Variants in NOL4L observed in about 807,000 individuals in gnomAD.
NOL4L encodes the protein nucleolar protein 4-like.
Under a neutral mutation model 64.5 loss-of-function variants are expected in NOL4L, and 7 were observed. That is an observed-to-expected ratio of 0.11 (90% CI 0.06 to 0.20). The LOEUF is 0.20. Among genes scored for constraint, NOL4L ranks in the 10% least tolerant of loss-of-function variants. The pLI, the probability that NOL4L is intolerant of heterozygous loss-of-function variation, is 1.00. For missense variants in NOL4L, 680 were observed against 967.1 expected (o/e 0.70, Z 3.94); for synonymous variants, 413 against 401.0 (o/e 1.03, Z -0.36).
chr20:32,526,399 G>A (rs1467469283), intron 2 of NOL4L, among the ~76,000 whole-genome samples: 1 of 151,530 alleles, frequency 6.6e-6, no homozygotes, highest in Non-Finnish European at 1.5e-5. Flanking sequence ...TTCCTGGGCA[G>A]ACACCTTGCC....
intron 1 of NOL4L, among the ~76,000 whole-genome samples, chr20:32,568,945 G>C (rs542681467): frequency 1.3e-5 from 2 of 152,258 alleles, no homozygotes; most frequent in Non-Finnish European, 2.9e-5. Context: ...TTTTGCAAAG[G>C]AGAAAACTGA....
chr20:32,503,223 AG>A lies in NOL4L; in HGVS notation c.699+8123del, dbSNP rs2145540954. Among the ~76,000 whole-genome samples the A allele has an allele frequency of 1.3e-5, 2 of 152,360 alleles. 1 individual carries two copies. The highest frequency in any genetic ancestry group is 4.1e-4 in the South Asian group (2 of 4,828). ...CACAGGGCCAGAAATTTACTGAGAC[AG>A]GATGAAGGTTTGGGCTATAGATTCT... On this transcript the variant is annotated intron_variant, in intron 4 of 10. Transcript: ENST00000621426.
At chr20:32,497,835 T>C (rs748145087) in intron 4 of NOL4L, among the ~76,000 whole-genome samples, 1 of 152,162 alleles carries the variant, frequency 6.6e-6, no homozygotes, top group Non-Finnish European at 1.5e-5. Flanking sequence ...ACAGAGCCAC[T>C]TCCCCCCTTC....
chr20:32,481,466 G>GCAATT lies in NOL4L; in HGVS notation c.700-6725_700-6724insAATTG, dbSNP rs1423738716. Among the ~76,000 whole-genome samples the GCAATT allele has an allele frequency of 9.9e-5, 15 of 152,272 alleles. No individual in the cohort carries two copies. In the East Asian group the frequency reaches 1.2e-3, roughly 12 times the overall value. On this transcript the variant is annotated intron_variant, in intron 4 of 10. Coordinates refer to ENST00000621426, the MANE Select transcript of NOL4L (RefSeq NM_001256798.2). ...AAAAGTTCTTGAGCAATTCCCAGGC[G>GCAATT]GTCCAGCTCCACAGAGCCCCAGGGT...
intron 4 of NOL4L, among the ~76,000 whole-genome samples, chr20:32,493,822 C>T (rs1568654564): frequency 1.3e-5 from 2 of 152,214 alleles, no homozygotes; most frequent in Non-Finnish European, 2.9e-5. Context: ...GGTGCTGGTG[C>T]TGCTGCGGCC....
intron 4 of NOL4L, chr20:32,509,766 C>T (rs2017310336): frequency 5.4e-6 from 7 of 1,291,472 alleles, no homozygotes; most frequent in Non-Finnish European, 7.1e-6. Context: ...TTGCACGACA[C>T]TGACCACTAC....
rs182487549 is a variant in NOL4L, at chr20:32,520,445, G to C, written c.589+366C>G. On this transcript the variant is annotated intron_variant, in intron 3 of 10. Coordinates refer to ENST00000621426, the MANE Select transcript of NOL4L (RefSeq NM_001256798.2). ...CACGTCTCAGGGAGGGTACAGGCCA[G>C]ACCCTCGTGCATGGAGAAGCAGTGG... is the stretch of plus-strand genomic sequence containing the variant. Among the ~76,000 whole-genome samples, 358 of 152,296 alleles carry C rather than the reference G, an allele frequency of 2.4e-3. 2 individuals carry two copies. Among genetic ancestry groups the C allele is most frequent in the Non-Finnish European group, 4.0e-3 (275 of 68,036 alleles).
chr20:32,508,836 T>C (rs1327577515), intron 4 of NOL4L, among the ~76,000 whole-genome samples: 2 of 152,214 alleles, frequency 1.3e-5, no homozygotes, highest in Non-Finnish European at 2.9e-5. Flanking sequence ...CATCCCCTGA[T>C]ACTCATCAGG....
chr20:32,584,341 G>A (rs1205567417), intron 1 of NOL4L, among the ~76,000 whole-genome samples: 9 of 151,260 alleles, frequency 6.0e-5, no homozygotes. Context: ...CACGGCCACG[G>A]CCCGGGCAGC....
At chr20:32,454,765 G>A (rs2013310579) in intron 6 of NOL4L, among the ~76,000 whole-genome samples, 1 of 152,276 alleles carries the variant, frequency 6.6e-6, no homozygotes, top group African/African-American at 2.4e-5. Context: ...CATCTAGCAG[G>A]TAAGGCAGGC....
intron 1 of NOL4L, among the ~76,000 whole-genome samples, chr20:32,574,275 A>ATTG (rs1979948317): frequency 6.6e-6 from 1 of 152,128 alleles, no homozygotes; most frequent in Non-Finnish European, 1.5e-5. Flanking sequence ...TGACAATCCC[A>ATTG]CGAGTTAAAC....
chr20:32,454,910 C>T (rs566374891), intron 6 of NOL4L, among the ~76,000 whole-genome samples: 4 of 152,346 alleles, frequency 2.6e-5, no homozygotes, highest in Admixed American at 6.5e-5. Flanking sequence ...TCCCACAGCA[C>T]GGCCCCCGCC....
At chr20:32,491,894 T>A (rs1192272640) in intron 4 of NOL4L, among the ~76,000 whole-genome samples, 1 of 152,112 alleles carries the variant, frequency 6.6e-6, no homozygotes, top group Admixed American at 6.5e-5. Flanking sequence ...GGTGGGAGGA[T>A]CACTTGAAGT....
chr20:32,461,422 T>TC (rs2014045951), intron 5 of NOL4L, among the ~76,000 whole-genome samples: 1 of 70,634 alleles, frequency 1.4e-5, no homozygotes, highest in Non-Finnish European at 2.5e-5. Flanking sequence ...CTTTCTTTTC[T>TC]TTTTTTTTTT....
rs1483916419 is a variant in NOL4L at position 32,456,101 on chromosome 20, C to T, written c.1119+17G>A. ...CCTTTACAGAAAGAAATGGACTCAGCCCCCAGCCCCACACACCTCGGGGGT... is the reference window on the plus strand; with the variant it reads ...CCTTTACAGAAAGAAATGGACTCAGTCCCCAGCCCCACACACCTCGGGGGT... On this transcript the variant is annotated intron_variant, in intron 6 of 10. Coordinates refer to ENST00000621426, the MANE Select transcript of NOL4L (RefSeq NM_001256798.2). 5 of 1,481,640 alleles carry T rather than the reference C, an allele frequency of 3.4e-6. No individual in the cohort carries two copies. In the South Asian group the frequency reaches 5.7e-5, roughly 17 times the overall value. 91.8% of individuals were successfully genotyped at this position (1,481,640 alleles called of 1,614,324 possible).
chr20:32,505,561 A>C lies in NOL4L; in HGVS notation c.699+5786T>G, dbSNP rs964636069. ...GCGAAACCACATCTCTACAAAAAAAAATACAAAAATTAGCTAGATGTGGTG... is the reference window on the plus strand; with the variant it reads ...GCGAAACCACATCTCTACAAAAAAACATACAAAAATTAGCTAGATGTGGTG... On this transcript the variant is annotated intron_variant, in intron 4 of 10. Coordinates refer to ENST00000621426, the MANE Select transcript of NOL4L (RefSeq NM_001256798.2). 6.6e-5 allele frequency among the ~76,000 whole-genome samples: 10 copies of C among 152,292 alleles called. No homozygotes were observed. The East Asian group carries it at 1.9e-3, about 29-fold the overall frequency.
intron 1 of NOL4L, among the ~76,000 whole-genome samples, chr20:32,571,350 G>T (rs753838864): frequency 1.3e-5 from 2 of 152,182 alleles, no homozygotes; most frequent in Non-Finnish European, 2.9e-5. Context: ...ACAACGCCTG[G>T]CTAATTTTTG....
intron 4 of NOL4L, among the ~76,000 whole-genome samples, chr20:32,485,214 A>G (rs557215256): frequency 1.3e-5 from 2 of 152,292 alleles, no homozygotes; most frequent in Admixed American, 1.3e-4. Context: ...CAGAGAAGAG[A>G]AAACGAGACA....
At chr20:32,457,144 A>C (rs1202589073) in intron 5 of NOL4L, among the ~76,000 whole-genome samples, 1 of 152,214 alleles carries the variant, frequency 6.6e-6, no homozygotes, top group African/African-American at 2.4e-5. Flanking sequence ...CCTGCCGCAA[A>C]GAGCGCGGCA....
Sources: gnomAD v4.1 joint callset for allele counts (sites outside exome capture counted in the v4.1 genomes callset) on GRCh38, gnomAD v4.1.1 for gene constraint, MANE v1.5 for transcripts, NCBI Gene and HGNC (gene_info 2026-07-23, HGNC 2026-07-21) for gene names.